HMGN5: variants seen among roughly 807,000 people sequenced by gnomAD.
The protein encoded by HMGN5 is high mobility group nucleosome-binding domain-containing protein 5.
Under a neutral mutation model 9.5 loss-of-function variants are expected in HMGN5, and 4 were observed. The observed-to-expected ratio is 0.42, with a 90% CI of 0.21 to 0.96. The LOEUF (loss-of-function observed/expected upper bound fraction) is 0.96. Ranked by LOEUF, HMGN5 falls within the 40% of genes least tolerant of loss-of-function variation. The pLI, the probability that HMGN5 is intolerant of heterozygous loss-of-function variation, is 0.30. For synonymous variants in HMGN5, 55 were observed against 57.1 expected (o/e 0.96, Z 0.16); for missense variants, 192 against 187.5 (o/e 1.02, Z -0.14).
At chrX:81,125,565 G>T (rs1008582796) in intron 1 of HMGN5, among the ~76,000 whole-genome samples, 8 of 111,718 alleles carry the variant, frequency 7.2e-5, no homozygotes, top group African/African-American at 2.6e-4. Context: ...ATAAAATACT[G>T]AATTAAAGAG....
intron 1 of HMGN5, among the ~76,000 whole-genome samples, chrX:81,169,864 G>T (rs764587817): frequency 9.1e-6 from 1 of 109,803 alleles, no homozygotes; most frequent in Admixed American, 9.8e-5. Context: ...AGACCAGCTG[G>T]GCAACATGGC....
chrX:81,186,408 G>A (rs975267270), intron 1 of HMGN5, among the ~76,000 whole-genome samples: 25 of 112,062 alleles, frequency 2.2e-4, no homozygotes, highest in African/African-American at 6.5e-4. Flanking sequence ...GTTGCTTACA[G>A]TAGCCACTAA....
intron 1 of HMGN5, among the ~76,000 whole-genome samples, chrX:81,161,679 T>A (rs1487156829): frequency 1.8e-5 from 2 of 110,468 alleles, no homozygotes; most frequent in Non-Finnish European, 3.8e-5. Context: ...TGGTGAGGGC[T>A]TAAAGGAAAG....
At chrX:81,123,137 G>A (rs1329156868) in intron 1 of HMGN5, among the ~76,000 whole-genome samples, 1 of 110,711 alleles carries the variant, frequency 9.0e-6, no homozygotes, top group Admixed American at 9.7e-5. Flanking sequence ...ATCCCTTCAA[G>A]CAAAAATACA....
chrX:81,201,024 T>G (rs1191964366), intron 1 of HMGN5, among the ~76,000 whole-genome samples: 1 of 110,849 alleles, frequency 9.0e-6, no homozygotes, highest in Non-Finnish European at 1.9e-5. Context: ...AAGAGATTAA[T>G]TTGGAATTAG....
At chrX:81,147,040 C>T (rs58219826) in intron 1 of HMGN5, among the ~76,000 whole-genome samples, 1,344 of 111,439 alleles carry the variant, frequency 0.012, 18 homozygotes, top group African/African-American at 0.039. Context: ...CAGGACCAGA[C>T]GGACTCACAG....
chrX:81,190,331 C>T (rs750181945), intron 1 of HMGN5, among the ~76,000 whole-genome samples: 11 of 110,966 alleles, frequency 9.9e-5, no homozygotes, highest in African/African-American at 3.6e-4. Context: ...ATATATTATA[C>T]AATTTATTCC....
intron 1 of HMGN5, among the ~76,000 whole-genome samples, chrX:81,155,923 T>C (rs1334741007): frequency 9.0e-6 from 1 of 111,513 alleles, no homozygotes; most frequent in Non-Finnish European, 1.9e-5. Flanking sequence ...TGCATAAAAA[T>C]ATGTAGAAAT....
At chrX:81,182,126 G>A (rs776877278) in intron 1 of HMGN5, among the ~76,000 whole-genome samples, 88 of 111,593 alleles carry the variant, frequency 7.9e-4, no homozygotes, top group African/African-American at 2.8e-3. Context: ...CCGGTCTTTG[G>A]ATAAAAGCCA....
chrX:81,185,565 G>T (rs2075475018), intron 1 of HMGN5, among the ~76,000 whole-genome samples: 1 of 111,493 alleles, frequency 9.0e-6, no homozygotes, highest in East Asian at 2.8e-4. Context: ...TGCAAACAAG[G>T]ATAATTTTAT....
In HMGN5 at chrX:81,119,768, C is replaced by T; in HGVS notation, c.45+20G>A. Reference sequence around the variant, plus strand: ...AACGAGTGGTTTTTCCTAATAGATGCTAAGACTAAAGAAACTCACCTCCTG... The same window carrying T: ...AACGAGTGGTTTTTCCTAATAGATGTTAAGACTAAAGAAACTCACCTCCTG... On this transcript the variant is annotated intron_variant, in intron 3 of 6. Coordinates refer to ENST00000358130, the MANE Select transcript of HMGN5 (RefSeq NM_030763.3). 1.7e-6 allele frequency: 2 copies of T among 1,194,479 alleles called. No homozygotes were observed. The highest frequency in any genetic ancestry group is 5.9e-5 in the East Asian group (2 of 33,730).
At chrX:81,117,975 C>A (rs2147535130) in intron 5 of HMGN5, among the ~76,000 whole-genome samples, 1 of 109,659 alleles carries the variant, frequency 9.1e-6, no homozygotes, top group African/African-American at 3.3e-5. Flanking sequence ...TCAATTGTGT[C>A]CATTTAAAAT....
intron 1 of HMGN5, chrX:81,194,987 C>A: frequency 8.9e-6 from 1 of 111,966 alleles, no homozygotes; most frequent in East Asian, 2.8e-4. Context: ...TGGACAACCA[C>A]TCTATGGAGT....
intron 1 of HMGN5, among the ~76,000 whole-genome samples, chrX:81,185,214 A>C (rs761186254): frequency 9.8e-5 from 11 of 111,997 alleles, no homozygotes; most frequent in African/African-American, 3.2e-4. Context: ...GGTGCTATGA[A>C]TATTTTAACA....
At chrX:81,198,586 T>A (rs1475395058) in intron 1 of HMGN5, among the ~76,000 whole-genome samples, 1 of 111,931 alleles carries the variant, frequency 8.9e-6, no homozygotes, top group African/African-American at 3.3e-5. Context: ...TGCAAATCAA[T>A]TAATGTAATC....
At position 81,180,993 on chromosome X, in the gene HMGN5, G is replaced by C. The variant is rs543005272; in HGVS notation, c.-124+20744C>G. The stretch of plus-strand genomic sequence containing the variant: ...ATATTCTCAGTCGTAGGTGGGAATT[G>C]ACCACTGTGATCAGTTGGACACAGG... On this transcript the variant is annotated intron_variant, in intron 1 of 6. Transcript: ENST00000358130. Among the ~76,000 whole-genome samples, 16 of 110,678 alleles carry C rather than the reference G, an allele frequency of 1.4e-4. No individual in the cohort carries two copies. In the South Asian group the frequency reaches 6.3e-3, roughly 43 times the overall value.
chrX:81,176,310 A>G (rs1339843111), intron 1 of HMGN5, among the ~76,000 whole-genome samples: 1 of 111,862 alleles, frequency 8.9e-6, no homozygotes, highest in Non-Finnish European at 1.9e-5. Flanking sequence ...GGTAGCTAAA[A>G]CCACAAAGAT....
intron 1 of HMGN5, among the ~76,000 whole-genome samples, chrX:81,143,992 G>A (rs1441981618): frequency 7.2e-5 from 8 of 111,881 alleles, no homozygotes; most frequent in African/African-American, 9.7e-5. Context: ...AAAGGCAGCC[G>A]CCCAAGTCAG....
intron 1 of HMGN5, among the ~76,000 whole-genome samples, chrX:81,188,172 C>A (rs976812971): frequency 9.2e-6 from 1 of 109,213 alleles, no homozygotes; most frequent in Non-Finnish European, 1.9e-5. Context: ...AATCATGGCT[C>A]ACTGCAATCT....
Sources: allele counts gnomAD v4.1 joint callset (sites outside exome capture counted in the v4.1 genomes callset), GRCh38; gene constraint gnomAD v4.1.1; transcripts MANE v1.5; gene names NCBI Gene and HGNC (gene_info 2026-07-23, HGNC 2026-07-21).